Variants in PLXNA4 observed in about 807,000 individuals in gnomAD.
The protein encoded by PLXNA4 is plexin A4, also known as plexin-A4.
A neutral mutation model predicts 191.8 loss-of-function variants in PLXNA4; 44 were observed. The ratio of observed to expected loss-of-function variants is 0.23; its 90% confidence interval spans 0.18 to 0.29. The LOEUF is 0.29. PLXNA4 is among the 10% of genes least tolerant of loss of function. The pLI is 1.00. For synonymous variants in PLXNA4, 1,082 were observed against 1,009.5 expected, an observed-to-expected ratio of 1.07 and a Z score of -1.36; for missense variants, 1,800 against 2,488.8, an observed-to-expected ratio of 0.72 and a Z score of 5.89.
chr7:132,145,915 CAAAA>C (rs397778925), intron 28 of PLXNA4, among the ~76,000 whole-genome samples: 1 of 92,400 alleles, frequency 1.1e-5, no homozygotes, highest in Non-Finnish European at 2.1e-5. Context: ...ACTAAAAATA[CAAAA>C]AAAAAAAAAA....
chr7:132,124,727 C>CCAAG lies in PLXNA4; in HGVS notation c.*5748_*5751dup, dbSNP rs1794722142. 6.6e-6 allele frequency: 1 copy of CCAAG among 152,218 alleles called. No individual in the cohort carries two copies. 9.4% of individuals were successfully genotyped at this position (152,218 alleles called of 1,614,324 possible). A position where few individuals can be genotyped will look rare whatever the true frequency, so the allele number is the denominator to read the frequency against. Reference sequence around the variant, plus strand: ...GCAGTACCAGGGGCAGCCCAGAGAGCCAAGCATAGACATCAAAGCGGGTGG... The same window carrying CCAAG: ...GCAGTACCAGGGGCAGCCCAGAGAGCCAAGCAAGCATAGACATCAAAGCGGGTGG... On this transcript the variant is annotated 3_prime_UTR_variant, in exon 32 of 32. Transcript: ENST00000321063.
intron 3 of PLXNA4, among the ~76,000 whole-genome samples, chr7:132,310,873 GC>G (rs1563027268): frequency 6.6e-6 from 1 of 152,138 alleles, no homozygotes; most frequent in Non-Finnish European, 1.5e-5. Context: ...GCTAAGAACA[GC>G]CCATGTTCAC....
chr7:132,553,176 G>T (rs1030005177), intron 1 of PLXNA4, among the ~76,000 whole-genome samples: 2 of 152,196 alleles, frequency 1.3e-5, no homozygotes, highest in Non-Finnish European at 1.5e-5. Context: ...TGCGTCCTGA[G>T]ATATGTTTCT....
chr7:132,615,853 T>C (rs541855130), intron 2 of PLXNA4, among the ~76,000 whole-genome samples: 8 of 148,500 alleles, frequency 5.4e-5, no homozygotes, highest in Admixed American at 2.0e-4. Flanking sequence ...CCGCTATCCC[T>C]CCCTCTCCCC....
At chr7:132,457,830 G>A (rs901443141) in intron 3 of PLXNA4, among the ~76,000 whole-genome samples, 1 of 152,196 alleles carries the variant, frequency 6.6e-6, no homozygotes, top group African/African-American at 2.4e-5. Flanking sequence ...CTTTGAAGAT[G>A]CAAAAGGAGC....
chr7:132,216,481 A>C (rs1173245117), intron 9 of PLXNA4, among the ~76,000 whole-genome samples: 3 of 152,162 alleles, frequency 2.0e-5, no homozygotes, highest in Non-Finnish European at 2.9e-5. Flanking sequence ...TTAATATTTT[A>C]ATAATTGGTA....
intron 8 of PLXNA4, among the ~76,000 whole-genome samples, chr7:132,225,169 T>C (rs1294623805): frequency 1.3e-5 from 2 of 152,210 alleles, no homozygotes; most frequent in South Asian, 2.1e-4. Flanking sequence ...GGCTGGCCCA[T>C]TCACAACCTG....
At chr7:132,324,757 C>G (rs1023776327) in intron 3 of PLXNA4, among the ~76,000 whole-genome samples, 5 of 152,088 alleles carry the variant, frequency 3.3e-5, no homozygotes, top group African/African-American at 1.2e-4. Flanking sequence ...GGGAGCGATG[C>G]CTGAGGCCAG....
intron 1 of PLXNA4, among the ~76,000 whole-genome samples, chr7:132,519,199 C>A (rs1029963551): frequency 1.3e-5 from 2 of 152,184 alleles, no homozygotes; most frequent in African/African-American, 4.8e-5. Context: ...GTCAGATGCC[C>A]CAGCTGGAGT....
intron 3 of PLXNA4, among the ~76,000 whole-genome samples, chr7:132,393,197 C>T (rs12533871): frequency 3.0e-5 from 4 of 135,476 alleles, no homozygotes; most frequent in African/African-American, 8.8e-5. Flanking sequence ...AACACCCCCC[C>T]CCACCACCAC....
At chr7:132,234,069 C>T (rs1798612545) in intron 5 of PLXNA4, among the ~76,000 whole-genome samples, 1 of 151,876 alleles carries the variant, frequency 6.6e-6, no homozygotes, top group African/African-American at 2.4e-5. Context: ...AGGTGTGGAG[C>T]AGAGCAGGAG....
intron 26 of PLXNA4, 29 bp from the exon 27 acceptor site, chr7:132,148,028 G>A (rs369869195): frequency 2.5e-5 from 41 of 1,613,932 alleles, no homozygotes; most frequent in Middle Eastern, 3.3e-4. Flanking sequence ...TCAGGGCCTA[G>A]GCACAGCAGC....
At chr7:132,502,228 AG>A (rs1303278852) in intron 2 of PLXNA4, among the ~76,000 whole-genome samples, 1 of 152,134 alleles carries the variant, frequency 6.6e-6, no homozygotes, top group Non-Finnish European at 1.5e-5. Context: ...CCCAAGTCCA[AG>A]GGGGTGACCC....
At chr7:132,132,897 C>A in intron 31 of PLXNA4, 152 bp downstream of exon 31, 3 of 1,112,674 alleles carry the variant, frequency 2.7e-6, no homozygotes, top group Non-Finnish European at 2.5e-6. Context: ...AGCATCCCAG[C>A]CTTTGGATCA....
intron 8 of PLXNA4, among the ~76,000 whole-genome samples, chr7:132,225,928 T>A (rs1472604711): frequency 6.6e-6 from 1 of 152,128 alleles, no homozygotes; most frequent in Non-Finnish European, 1.5e-5. Context: ...CATTTTCTGC[T>A]CTTCTAGTCT....
At chr7:132,256,496 G>A (rs1432955177) in intron 4 of PLXNA4, among the ~76,000 whole-genome samples, 2 of 152,146 alleles carry the variant, frequency 1.3e-5, no homozygotes, top group East Asian at 3.9e-4. Flanking sequence ...CCACCCCTCA[G>A]GGATGCTCAC....
chr7:132,459,337 G>A (rs1307513652), intron 3 of PLXNA4, among the ~76,000 whole-genome samples: 3 of 152,250 alleles, frequency 2.0e-5, no homozygotes, highest in Non-Finnish European at 2.9e-5. Context: ...TCTTACATTC[G>A]GGGAAACGAT....
intron 30 of PLXNA4, among the ~76,000 whole-genome samples, chr7:132,137,470 T>C (rs1795145771): frequency 6.6e-6 from 1 of 152,256 alleles, no homozygotes; most frequent in African/African-American, 2.4e-5. Flanking sequence ...AAACTACAAC[T>C]AATCACAACA....
At position 132,377,117 on chromosome 7, in the gene PLXNA4, T is replaced by C. The variant is rs572159863; in HGVS notation, c.1372-78895A>G. On this transcript the variant is annotated intron_variant, in intron 3 of 31. Transcript: ENST00000321063. Reference sequence around the variant, plus strand: ...AGGCAATTGGATCTCTCTTTCTCTCTGCTAGAAAAGGCTATTTAGGAAAAG... The same window carrying C: ...AGGCAATTGGATCTCTCTTTCTCTCCGCTAGAAAAGGCTATTTAGGAAAAG... Among the ~76,000 whole-genome samples the C allele has an allele frequency of 2.3e-4, 35 of 152,304 alleles. 1 individual carries two copies. The South Asian group carries it at 7.2e-3, about 32-fold the overall frequency.
Sources: allele counts gnomAD v4.1 joint callset (sites outside exome capture counted in the v4.1 genomes callset), GRCh38; gene constraint gnomAD v4.1.1; transcripts MANE v1.5; gene names NCBI Gene and HGNC (gene_info 2026-07-23, HGNC 2026-07-21).